The following NOMO2 variants were observed in gnomAD, a reference collection of about 807,000 sequenced individuals.
NOMO2 encodes the protein BOS complex subunit NOMO2.
NOMO2 carries 14 observed loss-of-function variants against 67.1 expected under a neutral mutation model. The ratio of observed to expected loss-of-function variants is 0.21; its 90% CI spans 0.14 to 0.33. The LOEUF (loss-of-function observed/expected upper bound fraction) is 0.33, where lower values mean the gene tolerates loss of function less well. NOMO2 is among the 10% of genes least tolerant of loss of function. The pLI, the probability that NOMO2 is intolerant of heterozygous loss-of-function variation, is 1.00. For missense variants in NOMO2, 178 were observed against 761.0 expected, an observed-to-expected ratio of 0.23 and a Z score of 9.01; for synonymous variants, 80 against 305.9, an observed-to-expected ratio of 0.26 and a Z score of 7.71.
intron 4 of NOMO2, among the ~76,000 whole-genome samples, chr16:18,551,149 G>A (rs1901777525): frequency 1.3e-5 from 2 of 151,852 alleles, no homozygotes; most frequent in South Asian, 4.2e-4. Context: ...ACTCCAGCCT[G>A]GGCAATAGAG....
intron 15 of NOMO2, among the ~76,000 whole-genome samples, chr16:18,528,423 G>A (rs1249875676): frequency 6.6e-6 from 1 of 151,962 alleles, no homozygotes; most frequent in East Asian, 1.9e-4. Flanking sequence ...TAAGCAGTTA[G>A]GGGAGTAAGT....
At chr16:18,559,219 A>C (rs528300424) in intron 1 of NOMO2, among the ~76,000 whole-genome samples, 41 of 152,218 alleles carry the variant, frequency 2.7e-4, no homozygotes, top group African/African-American at 9.6e-4. Context: ...TTACTGTTTA[A>C]TATCTCTCTC....
At chr16:18,538,760 A>G in intron 10 of NOMO2, 84 bp from the exon 11 acceptor site, 1 of 1,607,150 alleles carries the variant, frequency 6.2e-7, no homozygotes, top group South Asian at 1.1e-5. Context: ...TTGGACCAAA[A>G]GCTGCCATGT....
chr16:18,530,598 C>G (rs1205677214), intron 14 of NOMO2, among the ~76,000 whole-genome samples: 1 of 146,556 alleles, frequency 6.8e-6, no homozygotes, highest in Non-Finnish European at 1.5e-5. Flanking sequence ...GCTTTATAAA[C>G]TTTACTTCTT....
At chr16:18,528,984 AAAAAATACATATATATATAT>A (rs1901221237) in intron 15 of NOMO2, among the ~76,000 whole-genome samples, 1 of 97,234 alleles carries the variant, frequency 1.0e-5, no homozygotes, top group African/African-American at 3.7e-5. Context: ...AAAAAAAAAA[AAAAAATACATATATATATAT>A]ATATATATAT....
At chr16:18,535,802 C>CT (rs1181997480) in intron 11 of NOMO2, among the ~76,000 whole-genome samples, 3,455 of 149,574 alleles carry the variant, frequency 0.023, 1 homozygote, top group African/African-American at 0.08. Flanking sequence ...ACTGATAACT[C>CT]TTTTTTTTTT....
chr16:18,556,203 C>A lies in NOMO2; in HGVS notation c.256-1351G>T, dbSNP rs1901899913. On this transcript the variant is annotated intron_variant, in intron 2 of 30. Coordinates refer to ENST00000622306, the MANE Select transcript of NOMO2 (RefSeq NM_173614.4). ...TGGTGGCTCATGCCTGTAATCCCAG[C>A]ACTCTGGGAGGCTGAGGTGGGCGGA... Among the ~76,000 whole-genome samples, 3 of 145,850 alleles carry A rather than the reference C, an allele frequency of 2.1e-5. No homozygotes were observed. The East Asian group carries it at 6.0e-4, about 29-fold the overall frequency.
At chr16:18,556,954 C>A (rs1259949062) in intron 2 of NOMO2, among the ~76,000 whole-genome samples, 3 of 151,884 alleles carry the variant, frequency 2.0e-5, no homozygotes, top group Admixed American at 6.6e-5. Flanking sequence ...GGCAAAACCC[C>A]GTCACTATTA....
intron 16 of NOMO2, among the ~76,000 whole-genome samples, chr16:18,526,781 T>C (rs1173906953): frequency 3.0e-4 from 45 of 151,990 alleles, no homozygotes; most frequent in African/African-American, 8.7e-4. Flanking sequence ...GGATCTTACA[T>C]TGTGGGTGAT....
Position 18,531,561 on chromosome 16 carries a change from G to A in NOMO2, c.1442C>T (p.Pro481Leu). The change falls in exon 13 of 31, where the codon CCC becomes CTC. Residue 481 changes from proline (P) to leucine (L), a missense_variant. Pro to Leu is a moderately conservative substitution (Grantham distance 98). Coordinates refer to ENST00000622306, the MANE Select transcript of NOMO2 (RefSeq NM_173614.4). ...GGTCACAGTAAGAGGAAATGTCTGG[G>A]GTTTCAACGTCAGCCCTGCTCTGGT... Reference protein sequence around the residue: ...AETRAGLTLKPQTFPLTVTDR... With the variant: ...AETRAGLTLKLQTFPLTVTDR... The A allele has an allele frequency of 5.6e-6, 9 of 1,610,382 alleles. No homozygotes were observed. Among genetic ancestry groups the A allele is most frequent in the South Asian group, 1.1e-5 (1 of 90,790 alleles).
chr16:18,548,400 T>C (rs1409447170), intron 5 of NOMO2, among the ~76,000 whole-genome samples: 2 of 151,512 alleles, frequency 1.3e-5, no homozygotes, highest in African/African-American at 4.8e-5. Flanking sequence ...ACTTTAAAAT[T>C]GAATAACTTA....
In NOMO2 at chr16:18,529,519, CAG is replaced by C; in HGVS notation, c.1786_1787del (p.Leu596ValfsTer16). On this transcript the variant is annotated frameshift_variant, in exon 15 of 31. Coordinates refer to ENST00000622306, the MANE Select transcript of NOMO2 (RefSeq NM_173614.4). LOFTEE classifies it high-confidence loss of function. ...RQTGYMLRCS[L>X]SHAITLEFYQ... ...TACATACCAGAGTGATGGCGTGAGA[CAG>C]GGAACATCTCAGCATGTAGCCCGTC... The C allele has an allele frequency of 6.2e-7, 1 of 1,610,954 alleles. No individual in the cohort carries two copies. The highest frequency in any genetic ancestry group is 8.5e-7 in the Non-Finnish European group (1 of 1,179,606).
At chr16:18,544,980 G>A (rs1219711733) in intron 6 of NOMO2, among the ~76,000 whole-genome samples, 1 of 148,230 alleles carries the variant, frequency 6.7e-6, no homozygotes, top group East Asian at 2.0e-4. Context: ...TGCTTTACTT[G>A]AAAATCCCAA....
chr16:18,540,370 TA>T (rs1335003171), intron 9 of NOMO2, among the ~76,000 whole-genome samples: 1 of 151,836 alleles, frequency 6.6e-6, no homozygotes, highest in African/African-American at 2.4e-5. Flanking sequence ...TGCCAGGCAC[TA>T]AATCACATGT....
chr16:18,535,029 A>AT (rs1180569422), intron 11 of NOMO2, among the ~76,000 whole-genome samples: 1 of 81,060 alleles, frequency 1.2e-5, no homozygotes, highest in Non-Finnish European at 2.7e-5. Flanking sequence ...AAATTGAGTA[A>AT]TTTTTTTATT....
At position 18,555,600 on chromosome 16, in the gene NOMO2, T is replaced by C. The variant is rs943065924; in HGVS notation, c.256-748A>G. On this transcript the variant is annotated intron_variant, in intron 2 of 30. Transcript: ENST00000622306. ...GATTTTACTTATCAACCCTGGTTTC[T>C]TTGTTTCTGTTTTAGTTTTTTTTTT... Among the ~76,000 whole-genome samples the C allele has an allele frequency of 9.2e-5, 14 of 151,898 alleles. No individual in the cohort carries two copies. The East Asian group carries it at 1.7e-3, about 19-fold the overall frequency.
At chr16:18,550,853 A>G (rs1292851361) in intron 4 of NOMO2, among the ~76,000 whole-genome samples, 1 of 151,990 alleles carries the variant, frequency 6.6e-6, no homozygotes, top group African/African-American at 2.4e-5. Flanking sequence ...GTAAAAGGCC[A>G]TCCCTGACAT....
intron 1 of NOMO2, chr16:18,558,759 T>C (rs1596864000): frequency 2.2e-6 from 1 of 445,450 alleles, no homozygotes. Context: ...TGTGTGGCCT[T>C]GGGCAAGCTC....
At chr16:18,559,530 A>C (rs991353560) in intron 1 of NOMO2, among the ~76,000 whole-genome samples, 4 of 152,040 alleles carry the variant, frequency 2.6e-5, no homozygotes, top group Non-Finnish European at 4.4e-5. Flanking sequence ...CGTGTGAAAT[A>C]AGGTTAAGCC....
Sources: allele counts gnomAD v4.1 joint callset (sites outside exome capture counted in the v4.1 genomes callset), GRCh38; gene constraint gnomAD v4.1.1; transcripts MANE v1.5; gene names NCBI Gene and HGNC (gene_info 2026-07-23, HGNC 2026-07-21).